The following MSI2 variants were observed in gnomAD, a reference collection of about 807,000 sequenced individuals.
MSI2 encodes RNA-binding protein Musashi homolog 2.
Under a neutral mutation model 45.6 loss-of-function variants are expected in MSI2, and 17 were observed. The ratio of observed to expected loss-of-function variants is 0.37; its 90% CI spans 0.26 to 0.56. The LOEUF is 0.56. Among genes scored for constraint, MSI2 ranks in the 20% least tolerant of loss-of-function variants. The pLI, the probability that MSI2 is intolerant of heterozygous loss-of-function variation, is 0.77. For synonymous variants in MSI2, 156 were observed against 158.2 expected (o/e 0.99, Z 0.11); for missense variants, 293 against 444.2 (o/e 0.66, Z 3.06).
intron 7 of MSI2, among the ~76,000 whole-genome samples, chr17:57,572,500 T>C (rs550213258): frequency 1.3e-5 from 2 of 152,138 alleles, no homozygotes; most frequent in South Asian, 4.1e-4. Flanking sequence ...CCTTTCTCCT[T>C]AAGGCAATCT....
intron 5 of MSI2, among the ~76,000 whole-genome samples, chr17:57,367,071 G>A (rs929612398): frequency 1.3e-5 from 2 of 152,336 alleles, no homozygotes; most frequent in Admixed American, 6.5e-5. Context: ...AAGCTCGAAA[G>A]TGTATACAAA....
At chr17:57,569,069 C>T (rs1379744212) in intron 7 of MSI2, among the ~76,000 whole-genome samples, 3 of 151,074 alleles carry the variant, frequency 2.0e-5, no homozygotes, top group Non-Finnish European at 2.9e-5. Context: ...TGCAGTAAAG[C>T]TTGGCAAGGC....
In MSI2 at chr17:57,502,604, T is replaced by TAG. The variant is rs201642252; in HGVS notation, c.406-27071_406-27070insGA. 8.3e-3 allele frequency among the ~76,000 whole-genome samples: 632 copies of TAG among 76,534 alleles called. 9 individuals carry two copies. Among genetic ancestry groups the TAG allele is most frequent in the African/African-American group, 0.034 (515 of 14,956 alleles). 50.2% of individuals were successfully genotyped at this position (76,534 alleles called of 152,430 possible). The stretch of plus-strand genomic sequence containing the variant: ...GGGAATGGAGAAGATGACTCTGAGA[T>TAG]ATATATATATATATATATATATATA... On this transcript the variant is annotated intron_variant, in intron 6 of 13. Coordinates refer to ENST00000284073, the MANE Select transcript of MSI2 (RefSeq NM_138962.4).
At chr17:57,555,966 G>T (rs1393715864) in intron 7 of MSI2, among the ~76,000 whole-genome samples, 1 of 152,198 alleles carries the variant, frequency 6.6e-6, no homozygotes, top group South Asian at 2.1e-4. Context: ...TCCCAATGAT[G>T]CCTGGAGACC....
In MSI2 at chr17:57,331,250, A is replaced by G. The variant is rs897465874; in HGVS notation, c.312+69058A>G. On this transcript the variant is annotated intron_variant, in intron 5 of 13. Transcript: ENST00000284073. ...GTCTCAGAGCAGTTTAAATTAAATA[A>G]TGAAACTTCTTGAAGAACTGGCCCA... Among the ~76,000 whole-genome samples, 35 of 152,304 alleles carry G rather than the reference A, an allele frequency of 2.3e-4. 1 individual carries two copies. Among genetic ancestry groups the G allele is most frequent in the Middle Eastern group, 3.4e-3 (1 of 294 alleles).
intron 5 of MSI2, among the ~76,000 whole-genome samples, chr17:57,272,747 C>T (rs76761368): frequency 0.016 from 2,388 of 152,226 alleles, 58 homozygotes; most frequent in African/African-American, 0.054. Flanking sequence ...AAAGGAAGCT[C>T]GTATTTTCAT....
chr17:57,424,920 C>T (rs1209149171), intron 6 of MSI2, among the ~76,000 whole-genome samples: 4 of 152,098 alleles, frequency 2.6e-5, no homozygotes, highest in South Asian at 4.2e-4. Flanking sequence ...GCTTGGGAGT[C>T]GGACACCTGA....
At chr17:57,667,019 G>C (rs886392073) in intron 11 of MSI2, among the ~76,000 whole-genome samples, 1 of 152,192 alleles carries the variant, frequency 6.6e-6, no homozygotes, top group Non-Finnish European at 1.5e-5. Context: ...TTCCTGTGGA[G>C]TCTCAGACCT....
intron 13 of MSI2, among the ~76,000 whole-genome samples, chr17:57,677,630 A>G (rs1387845524): frequency 1.3e-5 from 2 of 152,254 alleles, no homozygotes; most frequent in Non-Finnish European, 2.9e-5. Flanking sequence ...GCCAGTAACT[A>G]CTGAGTAATT....
chr17:57,639,980 A>G (rs1166770281), intron 10 of MSI2, among the ~76,000 whole-genome samples: 1 of 152,284 alleles, frequency 6.6e-6, no homozygotes, highest in South Asian at 2.1e-4. Flanking sequence ...ACAGTGGTGA[A>G]TGAGAGGTGG....
At chr17:57,693,438 A>C in the MSI2 span, among the ~76,000 whole-genome samples, 1 of 123,614 alleles carries the variant, frequency 8.1e-6, no homozygotes, top group African/African-American at 3.2e-5. Flanking sequence ...TCTGCCTCCC[A>C]AAGTCTGTTG....
chr17:57,383,167 G>A (rs577815970), intron 5 of MSI2, among the ~76,000 whole-genome samples: 1 of 152,318 alleles, frequency 6.6e-6, no homozygotes, highest in East Asian at 1.9e-4. Context: ...AGCCACAGAT[G>A]CCACTTGGAG....
At chr17:57,637,693 C>T (rs1909945100) in intron 10 of MSI2, among the ~76,000 whole-genome samples, 1 of 152,200 alleles carries the variant, frequency 6.6e-6, no homozygotes, top group Non-Finnish European at 1.5e-5. Flanking sequence ...GATCCTTCCT[C>T]ACAGGTTGTT....
Position 57,407,947 on chromosome 17 carries a change from C to T in MSI2, c.405+6476C>T, listed in dbSNP as rs1182297350. ...AGCTGCTCAGTGGGAAACAGCACAG[C>T]GAGTAGACAGGAGAATCCTGCTTCC... is the stretch of plus-strand genomic sequence containing the variant. On this transcript the variant is annotated intron_variant, in intron 6 of 13. Coordinates refer to ENST00000284073, the MANE Select transcript of MSI2 (RefSeq NM_138962.4). This position sits in a 1 kb window ranked among gnomAD's most constrained non-coding sequence, Gnocchi z 4.1. Among the ~76,000 whole-genome samples the T allele has an allele frequency of 6.6e-6, 1 of 152,194 alleles. No individual in the cohort carries two copies. Among genetic ancestry groups the T allele is most frequent in the Non-Finnish European group, 1.5e-5 (1 of 68,040 alleles).
intron 6 of MSI2, among the ~76,000 whole-genome samples, chr17:57,443,359 G>T (rs2084836272): frequency 6.6e-6 from 1 of 152,206 alleles, no homozygotes; most frequent in Admixed American, 6.5e-5. Context: ...AGCTGTTGGT[G>T]CTGACTAATA....
At chr17:57,617,250 T>C (rs1048191232) in intron 9 of MSI2, among the ~76,000 whole-genome samples, 7 of 152,260 alleles carry the variant, frequency 4.6e-5, no homozygotes, top group African/African-American at 1.7e-4. Context: ...TTTTTAGGCT[T>C]AACAGAGTTT....
chr17:57,623,197 A>G (rs571317671), intron 9 of MSI2, among the ~76,000 whole-genome samples: 1 of 152,122 alleles, frequency 6.6e-6, no homozygotes, highest in Non-Finnish European at 1.5e-5. Flanking sequence ...TGCAGACCTC[A>G]TGGAGCCGAT....
intron 5 of MSI2, among the ~76,000 whole-genome samples, chr17:57,290,374 A>T (rs1166393925): frequency 6.6e-6 from 1 of 152,158 alleles, no homozygotes; most frequent in African/African-American, 2.4e-5. Context: ...CAGTGGTGTG[A>T]TCATAACTCA....
At chr17:57,448,575 G>C (rs543489049) in intron 6 of MSI2, 2 of 152,388 alleles carry the variant, frequency 1.3e-5, no homozygotes, top group East Asian at 3.9e-4. Context: ...TATGCTGGTT[G>C]CCTGTTGGGT....
Sources: allele counts gnomAD v4.1 joint callset (sites outside exome capture counted in the v4.1 genomes callset), GRCh38; gene constraint gnomAD v4.1.1; non-coding constraint Gnocchi (gnomAD v3.1); transcripts MANE v1.5; gene names NCBI Gene and HGNC (gene_info 2026-07-23, HGNC 2026-07-21).